Variants in ASXL3 observed in about 807,000 individuals in gnomAD.
The protein encoded by ASXL3 is ASXL transcriptional regulator 3.
A neutral mutation model predicts 170.6 loss-of-function variants in ASXL3; 34 were observed. The ratio of observed to expected loss-of-function variants is 0.20; its 90% CI spans 0.15 to 0.27. The LOEUF is 0.27. Ranked by LOEUF, ASXL3 falls within the 10% of genes least tolerant of loss-of-function variation. ASXL3 has a pLI of 1.00. For missense variants in ASXL3, 2,592 were observed against 2,695.3 expected, an observed-to-expected ratio of 0.96 and a Z score of 0.85; for synonymous variants, 1,002 against 989.1, an observed-to-expected ratio of 1.01 and a Z score of -0.24.
intron 8 of ASXL3, among the ~76,000 whole-genome samples, chr18:33,713,626 C>G (rs1221859554): frequency 6.6e-6 from 1 of 152,098 alleles, no homozygotes; most frequent in Non-Finnish European, 1.5e-5. Context: ...AATATTCAAA[C>G]CTTATGTGTT....
Position 33,739,899 on chromosome 18 carries a change from C to T in ASXL3, c.2495C>T (p.Thr832Ile), listed in dbSNP as rs888627126. 1 of 1,613,860 alleles carries T rather than the reference C, an allele frequency of 6.2e-7. No homozygotes were observed. The highest frequency in any genetic ancestry group is 8.5e-7 in the Non-Finnish European group (1 of 1,179,862). The change falls in exon 11 of 12, where the codon ACC (threonine) becomes ATC (isoleucine). Residue 832 changes from threonine (T) to isoleucine (I), a missense_variant. Transcript: ENST00000269197. ...AFPSEDLHNK[T>I]LSQQTCKSHV... ...CCGTCTGAAGATTTGCACAATAAGA[C>T]CCTGAGTCAGCAAACCTGTAAATCA... is the stretch of plus-strand genomic sequence containing the variant.
chr18:33,680,733 C>G (rs2066501373), intron 7 of ASXL3, among the ~76,000 whole-genome samples: 1 of 151,400 alleles, frequency 6.6e-6, no homozygotes, highest in Admixed American at 6.6e-5. Context: ...ATTTTTTTAC[C>G]TTTGTTTATC....
intron 4 of ASXL3, among the ~76,000 whole-genome samples, chr18:33,652,142 G>A (rs1374603750): frequency 6.6e-6 from 1 of 151,946 alleles, no homozygotes; most frequent in Non-Finnish European, 1.5e-5. Context: ...ATAAATCTGT[G>A]CCACCCAAGT....
chr18:33,670,365 A>G (rs2066320651), intron 5 of ASXL3, among the ~76,000 whole-genome samples: 1 of 152,206 alleles, frequency 6.6e-6, no homozygotes, highest in African/African-American at 2.4e-5. Flanking sequence ...TGGGAGTCAT[A>G]GTTTCAAATT....
Position 33,739,747 on chromosome 18 carries a change from G to A in ASXL3, c.2343G>A (p.Pro781=), listed in dbSNP as rs199958610. The part of the protein sequence containing the change: ...SPSVSEEPLS[P]QKDESSATAK... Reference sequence around the variant, plus strand: ...CTGTATCTGAAGAGCCACTCTCCCCGCAGAAAGATGAGTCTTCCGCCACTG... The same window carrying A: ...CTGTATCTGAAGAGCCACTCTCCCCACAGAAAGATGAGTCTTCCGCCACTG... The change falls in exon 11 of 12, where the codon CCG becomes CCA. Residue 781 remains proline, a synonymous_variant. Coordinates refer to ENST00000269197, the MANE Select transcript of ASXL3 (RefSeq NM_030632.3). 54 of 1,613,688 alleles carry A rather than the reference G, an allele frequency of 3.3e-5. No individual in the cohort carries two copies. The highest frequency in any genetic ancestry group is 2.3e-4 in the South Asian group (21 of 91,084).
intron 3 of ASXL3, among the ~76,000 whole-genome samples, chr18:33,645,775 T>G (rs1344182620): frequency 2.0e-5 from 3 of 151,906 alleles, no homozygotes; most frequent in Non-Finnish European, 4.4e-5. Context: ...ATGTCAAAAG[T>G]TAGACAACAA....
intron 1 of ASXL3, among the ~76,000 whole-genome samples, chr18:33,579,472 C>T (rs761026738): frequency 2.0e-5 from 3 of 152,166 alleles, no homozygotes; most frequent in Non-Finnish European, 4.4e-5. Context: ...TGTTACTTGG[C>T]TGCTTTTCCT....
chr18:33,682,553 A>G (rs796845179), intron 7 of ASXL3, among the ~76,000 whole-genome samples: 66 of 152,074 alleles, frequency 4.3e-4, no homozygotes, highest in African/African-American at 1.5e-3. Context: ...ATTTATTTGT[A>G]TTTTTTATTT....
intron 1 of ASXL3, among the ~76,000 whole-genome samples, chr18:33,601,998 C>G (rs1162110100): frequency 2.0e-5 from 3 of 151,590 alleles, no homozygotes; most frequent in African/African-American, 7.3e-5. Flanking sequence ...GACAGGGTCT[C>G]ACTGTGTTTC....
At chr18:33,586,589 G>A (rs1259245711) in intron 1 of ASXL3, among the ~76,000 whole-genome samples, 4 of 151,796 alleles carry the variant, frequency 2.6e-5, no homozygotes, top group Admixed American at 2.0e-4. Flanking sequence ...TCACTTGAGT[G>A]TCCCCTTCTC....
chr18:33,741,921 C>T (rs1378596800), intron 11 of ASXL3, among the ~76,000 whole-genome samples: 2 of 152,190 alleles, frequency 1.3e-5, no homozygotes, highest in African/African-American at 4.8e-5. Context: ...ACTAGAGCAA[C>T]ACAGCCTTGC....
intron 8 of ASXL3, among the ~76,000 whole-genome samples, chr18:33,685,527 A>G (rs964809165): frequency 2.0e-5 from 3 of 152,188 alleles, no homozygotes; most frequent in African/African-American, 7.2e-5. Context: ...CTTGTTTACA[A>G]ATCTGTCTCC....
intron 1 of ASXL3, among the ~76,000 whole-genome samples, chr18:33,606,495 T>C (rs994287543): frequency 6.6e-6 from 1 of 151,918 alleles, no homozygotes; most frequent in Non-Finnish European, 1.5e-5. Flanking sequence ...TGTGAATCAG[T>C]TGAAATTTGG....
At chr18:33,580,708 G>A (rs1242660570) in intron 1 of ASXL3, among the ~76,000 whole-genome samples, 1 of 152,094 alleles carries the variant, frequency 6.6e-6, no homozygotes, top group African/African-American at 2.4e-5. Flanking sequence ...TTAAAAGTTG[G>A]ATTTTCCTCT....
chr18:33,738,191 T>C (rs2067580754), intron 10 of ASXL3, among the ~76,000 whole-genome samples: 2 of 151,952 alleles, frequency 1.3e-5, no homozygotes, highest in Admixed American at 1.3e-4. Context: ...TTTCTAATAC[T>C]TTGTTGTATG....
At position 33,671,784 on chromosome 18, in the gene ASXL3, T is replaced by G. The variant is rs1477491734; in HGVS notation, c.633T>G (p.Asp211Glu). The G allele has an allele frequency of 1.2e-6, 2 of 1,610,044 alleles. No homozygotes were observed. Among genetic ancestry groups the G allele is most frequent in the Non-Finnish European group, 1.7e-6 (2 of 1,177,510 alleles). The change falls in exon 7 of 12, where the codon GAT (aspartate) becomes GAG (glutamate). Residue 211 changes from aspartate (D) to glutamate (E), a missense_variant. Asp to Glu is a conservative substitution (Grantham distance 45). Around this residue, in one of 4 missense-constraint regions of ASXL3, gnomAD observed 251 missense variants for 281.9 expected, o/e 0.89. Coordinates refer to ENST00000269197, the MANE Select transcript of ASXL3 (RefSeq NM_030632.3). The part of the protein sequence containing the change: ...ESKNGEADSS[D>E]KEMKHGQKSP... The stretch of plus-strand genomic sequence containing the variant: ...AAAATGGTGAAGCAGACAGTTCAGA[T>G]AAAGAAATGAAACATGGGCAAAAAT...
In ASXL3 at chr18:33,640,281, C is replaced by A. The variant is rs546397356; in HGVS notation, c.138-4613C>A. Among the ~76,000 whole-genome samples the A allele has an allele frequency of 2.6e-5, 4 of 151,750 alleles. No individual in the cohort carries two copies. In the South Asian group the frequency reaches 6.2e-4, roughly 24 times the overall value. ...ATATTACAAACATATATATATATAT[C>A]ATTCAGATAACATATATAAAGCCCT... On this transcript the variant is annotated intron_variant, in intron 2 of 11. Transcript: ENST00000269197.
chr18:33,652,741 G>T (rs2066021304), intron 4 of ASXL3, among the ~76,000 whole-genome samples: 1 of 151,836 alleles, frequency 6.6e-6, no homozygotes, highest in Non-Finnish European at 1.5e-5. Context: ...GTTTCTGATT[G>T]TGTGATTCTT....
intron 8 of ASXL3, among the ~76,000 whole-genome samples, chr18:33,720,274 T>C (rs1340101146): frequency 6.6e-6 from 1 of 151,302 alleles, no homozygotes; most frequent in Non-Finnish European, 1.5e-5. Context: ...GTAGATGCTG[T>C]GAAATGTTTG....
Sources: allele counts gnomAD v4.1 joint callset (sites outside exome capture counted in the v4.1 genomes callset), GRCh38; gene constraint gnomAD v4.1.1; regional missense constraint gnomAD v4.1.1; transcripts MANE v1.5; gene names NCBI Gene and HGNC (gene_info 2026-07-23, HGNC 2026-07-21).